DESI2: variants seen among roughly 807,000 people sequenced by gnomAD.
DESI2 encodes deubiquitinase DESI2.
A neutral mutation model predicts 24.1 loss-of-function variants in DESI2; 10 were observed. That is an observed-to-expected ratio of 0.41 (90% CI 0.26 to 0.70). The LOEUF (loss-of-function observed/expected upper bound fraction) is 0.70, where lower values mean the gene tolerates loss of function less well. Among genes scored for constraint, DESI2 ranks in the 30% least tolerant of loss-of-function variants. DESI2 has a pLI of 0.29. For synonymous variants in DESI2, 71 were observed against 87.7 expected (o/e 0.81, Z 1.06); for missense variants, 122 against 234.9 (o/e 0.52, Z 3.14).
intron 1 of DESI2, among the ~76,000 whole-genome samples, chr1:244,661,507 C>A (rs568147532): frequency 3.3e-5 from 5 of 152,046 alleles, no homozygotes; most frequent in Admixed American, 3.3e-4. Context: ...TGTGCTGCAC[C>A]CATTAACTCA....
intron 4 of DESI2, among the ~76,000 whole-genome samples, chr1:244,700,055 C>T (rs1175897445): frequency 2.0e-5 from 3 of 152,204 alleles, no homozygotes; most frequent in Non-Finnish European, 4.4e-5. Flanking sequence ...GAAACAAAAA[C>T]TCAAACTAAG....
At position 244,653,220 on chromosome 1, in the gene DESI2, C is replaced by T. The variant is rs1675520575; in HGVS notation, c.-94C>T. ...CGGGCTGTACGCTTAGTGCCCGGCT[C>T]AGGCCCCCTGAAGCGCCCGCGGGGG... On this transcript the variant is annotated 5_prime_UTR_variant, in exon 1 of 5. Coordinates refer to ENST00000302550, the MANE Select transcript of DESI2 (RefSeq NM_016076.5). 2 of 1,322,966 alleles carry T rather than the reference C, an allele frequency of 1.5e-6. No individual in the cohort carries two copies. Among genetic ancestry groups the T allele is most frequent in the Admixed American group, 3.1e-5 (1 of 32,420 alleles). The allele number at this position is 1,322,966 out of a possible 1,614,324, so 82.0% of individuals were successfully genotyped here. A position where few individuals can be genotyped will look rare whatever the true frequency, so the allele number is the denominator to read the frequency against.
intron 4 of DESI2, among the ~76,000 whole-genome samples, chr1:244,700,931 T>A (rs1447377232): frequency 6.6e-6 from 1 of 152,216 alleles, no homozygotes; most frequent in East Asian, 1.9e-4. Context: ...AAAATTCATG[T>A]GTTTTACAGT....
At chr1:244,659,988 A>G (rs1558649229) in intron 1 of DESI2, among the ~76,000 whole-genome samples, 1 of 152,124 alleles carries the variant, frequency 6.6e-6, no homozygotes, top group Non-Finnish European at 1.5e-5. Context: ...GGTGACTAAA[A>G]CCCCTTCAGA....
intron 1 of DESI2, among the ~76,000 whole-genome samples, chr1:244,676,398 G>A (rs1013886281): frequency 6.6e-6 from 1 of 151,910 alleles, no homozygotes; most frequent in Non-Finnish European, 1.5e-5. Flanking sequence ...TTTATATATT[G>A]ATCTTGTACC....
At position 244,706,672 on chromosome 1, in the gene DESI2, A is replaced by C. The variant is rs1455173460; in HGVS notation, c.*883A>C. The C allele has an allele frequency of 6.6e-6, 1 of 152,626 alleles. No individual in the cohort carries two copies. Among genetic ancestry groups the C allele is most frequent in the Non-Finnish European group, 1.5e-5 (1 of 68,036 alleles). 9.5% of individuals were successfully genotyped at this position (152,626 alleles called of 1,614,324 possible). A position where few individuals can be genotyped will look rare whatever the true frequency, so the allele number is the denominator to read the frequency against. On this transcript the variant is annotated 3_prime_UTR_variant, in exon 5 of 5. Coordinates refer to ENST00000302550, the MANE Select transcript of DESI2 (RefSeq NM_016076.5). The stretch of plus-strand genomic sequence containing the variant: ...TATCCTAAGTGGTAGCCTTCCAAGT[A>C]GCAGTGAGTTGACATTCAGCTGCTT...
intron 4 of DESI2, among the ~76,000 whole-genome samples, chr1:244,700,259 A>G (rs1677395213): frequency 6.6e-6 from 1 of 152,202 alleles, no homozygotes; most frequent in African/African-American, 2.4e-5. Flanking sequence ...TCCCTGACAC[A>G]GTTCCCTAGT....
rs60461774 is a variant in DESI2, at chr1:244,701,444, A to G, written c.352-4112A>G. ...AAACACTGCCAGCTTGGACTGAAAG[A>G]GACAGAGAGGGGACAAAATTAAAGA... On this transcript the variant is annotated intron_variant, in intron 4 of 4. Transcript: ENST00000302550. 5.3e-3 allele frequency among the ~76,000 whole-genome samples: 814 copies of G among 152,310 alleles called. 7 individuals are homozygous for G. Among genetic ancestry groups the G allele is most frequent in the African/African-American group, 0.019 (785 of 41,568 alleles).
At chr1:244,700,367 C>T (rs1337464315) in intron 4 of DESI2, among the ~76,000 whole-genome samples, 5 of 152,056 alleles carry the variant, frequency 3.3e-5, no homozygotes, top group African/African-American at 7.2e-5. Flanking sequence ...ATTTTCGTTT[C>T]GGATCAGTGT....
At chr1:244,682,060 T>C (rs1487750647) in intron 1 of DESI2, among the ~76,000 whole-genome samples, 1 of 152,186 alleles carries the variant, frequency 6.6e-6, no homozygotes, top group African/African-American at 2.4e-5. Context: ...CTGCAGACCC[T>C]TGTGGTCAGT....
chr1:244,686,739 CT>C, intron 2 of DESI2, 70 bp downstream of exon 2: 1 of 917,472 alleles, frequency 1.1e-6, no homozygotes, highest in Non-Finnish European at 1.7e-6. Context: ...AAAATCATAA[CT>C]ATAGGTCTCT....
chr1:244,686,524 AGTCACTTCTGTAGC>A, intron 1 of DESI2, 59 bp from the exon 2 acceptor site: 1 of 887,942 alleles, frequency 1.1e-6, no homozygotes, highest in South Asian at 1.4e-5. Context: ...ACTGGGGAGC[AGTCACTTCTGTAGC>A]GCGGAGTTGG....
chr1:244,670,553 A>G (rs1676211749), intron 1 of DESI2, among the ~76,000 whole-genome samples: 1 of 152,230 alleles, frequency 6.6e-6, no homozygotes, highest in African/African-American at 2.4e-5. Flanking sequence ...TAAGTACTTT[A>G]TACATACTAA....
intron 4 of DESI2, among the ~76,000 whole-genome samples, chr1:244,697,278 C>A (rs569685667): frequency 6.6e-6 from 1 of 151,798 alleles, no homozygotes; most frequent in Non-Finnish European, 1.5e-5. Flanking sequence ...GAGGTTGAGG[C>A]GGGCAGATCA....
chr1:244,675,426 G>C (rs772373543), intron 1 of DESI2, among the ~76,000 whole-genome samples: 6 of 152,008 alleles, frequency 3.9e-5, no homozygotes, highest in Admixed American at 6.5e-5. Flanking sequence ...CTTGCATTTA[G>C]GTCTTTGATC....
At chr1:244,683,590 C>T (rs897196702) in intron 1 of DESI2, among the ~76,000 whole-genome samples, 3 of 152,062 alleles carry the variant, frequency 2.0e-5, no homozygotes, top group African/African-American at 7.2e-5. Context: ...GGATTACAGG[C>T]GTGAGCCACC....
chr1:244,662,343 C>G (rs2148783510), intron 1 of DESI2, among the ~76,000 whole-genome samples: 1 of 152,154 alleles, frequency 6.6e-6, no homozygotes, highest in East Asian at 1.9e-4. Flanking sequence ...GGTGTGTGAA[C>G]ATGGGTTTAT....
chr1:244,703,889 A>G (rs1677584892), intron 4 of DESI2, among the ~76,000 whole-genome samples: 1 of 151,840 alleles, frequency 6.6e-6, no homozygotes, highest in South Asian at 2.1e-4. Flanking sequence ...CGATCTCCTG[A>G]CCTCATGATC....
chr1:244,682,002 T>G (rs1676630475), intron 1 of DESI2, among the ~76,000 whole-genome samples: 1 of 152,134 alleles, frequency 6.6e-6, no homozygotes, highest in Non-Finnish European at 1.5e-5. Flanking sequence ...GTGTCCAGAG[T>G]TTCTTCCTTC....
Sources: allele counts gnomAD v4.1 joint callset (sites outside exome capture counted in the v4.1 genomes callset), GRCh38; gene constraint gnomAD v4.1.1; transcripts MANE v1.5; gene names NCBI Gene and HGNC (gene_info 2026-07-23, HGNC 2026-07-21).